KIFBP: variants seen among roughly 807,000 people sequenced by gnomAD.
KIFBP encodes the protein KIF-binding protein.
A neutral mutation model predicts 58.9 loss-of-function variants in KIFBP; 46 were observed. The ratio of observed to expected loss-of-function variants is 0.78; its 90% confidence interval spans 0.62 to 1.00. The LOEUF (loss-of-function observed/expected upper bound fraction) is 1.00, where lower values mean the gene tolerates loss of function less well. Ranked by LOEUF, KIFBP falls within the 50% of genes least tolerant of loss-of-function variation. The probability of loss-of-function intolerance (pLI) is 0.00; values close to 1 mark genes in which losing one functional copy is unlikely to be tolerated. For missense variants in KIFBP, 651 were observed against 752.9 expected (o/e 0.86, Z 1.58); for synonymous variants, 241 against 283.4 (o/e 0.85, Z 1.50).
At chr10:69,009,643 T>C (rs1243506134) in intron 5 of KIFBP, among the ~76,000 whole-genome samples, 2 of 152,194 alleles carry the variant, frequency 1.3e-5, no homozygotes, top group Non-Finnish European at 2.9e-5. Context: ...AGATGATATA[T>C]TTTTGGTTGG....
In KIFBP at chr10:69,000,423, G is replaced by A; in HGVS notation, c.427-1G>A. On this transcript the variant is annotated splice_acceptor_variant, in intron 1 of 6. Transcript: ENST00000361983. LOFTEE classifies it high-confidence loss of function. ...TGTTTCTCTTTTTCTTTATTTTCCA[G>A]AATAACCTGGGTATCTTGTGGTCTG... 1.3e-6 allele frequency: 2 copies of A among 1,592,436 alleles called. No individual in the cohort carries two copies. The highest frequency in any genetic ancestry group is 1.7e-6 in the Non-Finnish European group (2 of 1,160,572).
chr10:69,013,221 A>G lies in KIFBP; in HGVS notation c.990+2206A>G, dbSNP rs149205460. Reference sequence around the variant, plus strand: ...TTGGCCAGGGACACAAATCCAAACCATATCAGTGGTAAATAATATAGAACC... The same window carrying G: ...TTGGCCAGGGACACAAATCCAAACCGTATCAGTGGTAAATAATATAGAACC... On this transcript the variant is annotated intron_variant, in intron 6 of 6. Transcript: ENST00000361983. Among the ~76,000 whole-genome samples the G allele has an allele frequency of 2.7e-3, 410 of 152,316 alleles. 4 individuals are homozygous for G. The highest frequency in any genetic ancestry group is 9.2e-3 in the African/African-American group (381 of 41,574).
chr10:69,009,822 C>G (rs1185848575), intron 5 of KIFBP, among the ~76,000 whole-genome samples: 1 of 151,958 alleles, frequency 6.6e-6, no homozygotes, highest in Admixed American at 6.6e-5. Flanking sequence ...TAGTTTGATT[C>G]TATTGCTCAC....
At chr10:69,006,712 T>C (rs1466302366) in intron 4 of KIFBP, 1 of 152,246 alleles carries the variant, frequency 6.6e-6, no homozygotes, top group Non-Finnish European at 1.5e-5. Context: ...GGTAGTTCTC[T>C]GCTTATCAGA....
intron 1 of KIFBP, among the ~76,000 whole-genome samples, chr10:68,990,183 C>G (rs1254201791): frequency 6.6e-6 from 1 of 152,114 alleles, no homozygotes; most frequent in African/African-American, 2.4e-5. Flanking sequence ...TCCCTCCTAC[C>G]TTTGAATTCT....
intron 6 of KIFBP, among the ~76,000 whole-genome samples, chr10:69,014,511 G>A (rs958643879): frequency 6.6e-6 from 1 of 152,258 alleles, no homozygotes; most frequent in Non-Finnish European, 1.5e-5. Context: ...AGTTAGAAAG[G>A]GGCTGGAGCA....
At chr10:69,008,995 T>A (rs1199700107) in intron 5 of KIFBP, 70 bp downstream of exon 5, 8 of 1,312,928 alleles carry the variant, frequency 6.1e-6, no homozygotes, top group Non-Finnish European at 7.7e-6. Flanking sequence ...TTTAAACTTT[T>A]GAAAAGTTGC....
Position 69,016,283 on chromosome 10 carries a change from T to G in KIFBP, c.1733T>G (p.Phe578Cys), listed in dbSNP as rs972791290. 1.2e-6 allele frequency: 2 copies of G among 1,602,170 alleles called. No individual in the cohort carries two copies. Among genetic ancestry groups the G allele is most frequent in the African/African-American group, 2.7e-5 (2 of 74,076 alleles). ...GCAACATCATTGGAACATTACAAAT[T>G]TATTGTTGATTACTGTGAAAAGCAT... ...NLATSLEHYK[F>C]IVDYCEKHPE... is the part of the protein sequence containing the mutation. The change falls in exon 7 of 7, where the codon TTT becomes TGT. Residue 578 changes from phenylalanine to cysteine, a missense_variant. Phe to Cys is a radical substitution (Grantham distance 205). Coordinates refer to ENST00000361983, the MANE Select transcript of KIFBP (RefSeq NM_015634.4).
At chr10:69,014,723 C>T (rs1041843642) in intron 6 of KIFBP, among the ~76,000 whole-genome samples, 1 of 143,636 alleles carries the variant, frequency 7.0e-6, no homozygotes, top group Non-Finnish European at 1.5e-5. Context: ...TTTGCCCCCC[C>T]CCACCCCCAA....
intron 1 of KIFBP, among the ~76,000 whole-genome samples, chr10:69,000,212 A>C (rs1843451103): frequency 6.6e-6 from 1 of 152,190 alleles, no homozygotes; most frequent in Non-Finnish European, 1.5e-5. Context: ...GTTACCTAAG[A>C]GCATGAATAC....
intron 6 of KIFBP, among the ~76,000 whole-genome samples, chr10:69,011,455 G>A (rs2491017): frequency 0.94 from 138,523 of 147,790 alleles, 64,998 homozygotes; most frequent in East Asian, 0.99. Context: ...GTGTGGTGGC[G>A]TGATCATGGG....
At chr10:69,003,812 A>G (rs953341079) in intron 2 of KIFBP, among the ~76,000 whole-genome samples, 1 of 152,192 alleles carries the variant, frequency 6.6e-6, no homozygotes, top group African/African-American at 2.4e-5. Context: ...TTTGATTTTT[A>G]TTAGTGGTCA....
chr10:69,011,026 C>T lies in KIFBP; in HGVS notation c.990+11C>T, dbSNP rs570851893. ...CAACTCTCCATGCAGGTAATGCAGTCAGAAGCTGCCTTTTTCTTTCTTAAA... is the reference window on the plus strand; with the variant it reads ...CAACTCTCCATGCAGGTAATGCAGTTAGAAGCTGCCTTTTTCTTTCTTAAA... On this transcript the variant is annotated intron_variant, in intron 6 of 6. Transcript: ENST00000361983. The T allele has an allele frequency of 2.5e-4, 389 of 1,575,608 alleles. 3 individuals are homozygous for T. The South Asian group carries it at 3.7e-3, about 15-fold the overall frequency.
chr10:69,015,604 C>G lies in KIFBP; in HGVS notation c.1054C>G (p.Leu352Val). ...ACTTAGAGCTTTAAGGAAAAAAGAA[C>G]TAGATGAGGAGGAAAGCATTCGGAA... ...SELRALRKKE[L>V]DEEESIRKKA... The change falls in exon 7 of 7, where the codon CTA (leucine) becomes GTA (valine). Residue 352 changes from leucine (L) to valine (V), a missense_variant. Leu to Val is a conservative substitution (Grantham distance 32). Coordinates refer to ENST00000361983, the MANE Select transcript of KIFBP (RefSeq NM_015634.4). 1 of 1,613,470 alleles carries G rather than the reference C, an allele frequency of 6.2e-7. No homozygotes were observed. The highest frequency in any genetic ancestry group is 8.5e-7 in the Non-Finnish European group (1 of 1,179,864).
At chr10:68,993,257 T>G (rs970460928) in intron 1 of KIFBP, among the ~76,000 whole-genome samples, 19 of 152,310 alleles carry the variant, frequency 1.2e-4, no homozygotes, top group Non-Finnish European at 2.5e-4. Context: ...TGACATCCAC[T>G]CATGTTCCTG....
rs1182775158 is a variant in KIFBP, at chr10:69,011,142, T to C, written c.990+127T>C. Reference sequence around the variant, plus strand: ...ATGAAAGGTGTGTAGAATGTTTTCGTAAATATTTCTTTCTTGGTTTTAAAT... The same window carrying C: ...ATGAAAGGTGTGTAGAATGTTTTCGCAAATATTTCTTTCTTGGTTTTAAAT... On this transcript the variant is annotated intron_variant, in intron 6 of 6. Coordinates refer to ENST00000361983, the MANE Select transcript of KIFBP (RefSeq NM_015634.4). 3 of 709,882 alleles carry C rather than the reference T, an allele frequency of 4.2e-6. No homozygotes were observed. In the East Asian group the frequency reaches 8.1e-5, roughly 19 times the overall value. The allele number at this position is 709,882 out of a possible 1,614,324, so 44.0% of individuals were successfully genotyped here.
intron 4 of KIFBP, among the ~76,000 whole-genome samples, chr10:69,008,391 A>ATATATATATAT (rs1554843385): frequency 3.9e-3 from 280 of 71,510 alleles, no homozygotes; most frequent in Middle Eastern, 0.01. Flanking sequence ...AAAAAAAAAA[A>ATATATATATAT]ATATATATAT....
chr10:69,008,674 A>G (rs1364871892), intron 4 of KIFBP, among the ~76,000 whole-genome samples, 167 bp from the exon 5 acceptor site: 1 of 151,902 alleles, frequency 6.6e-6, no homozygotes, highest in Non-Finnish European at 1.5e-5. Context: ...ATAATATGAT[A>G]ATATATCTTT....
intron 1 of KIFBP, among the ~76,000 whole-genome samples, chr10:68,992,553 T>G (rs1023709667): frequency 2.0e-5 from 3 of 152,352 alleles, no homozygotes; most frequent in Middle Eastern, 3.4e-3. Context: ...GGAATTTTTT[T>G]GTAAATGGTT....
Sources: gnomAD v4.1 joint callset for allele counts (sites outside exome capture counted in the v4.1 genomes callset) on GRCh38, gnomAD v4.1.1 for gene constraint, MANE v1.5 for transcripts, NCBI Gene and HGNC (gene_info 2026-07-23, HGNC 2026-07-21) for gene names.